The following KTN1 variants were observed in gnomAD, a reference collection of about 807,000 sequenced individuals.
The protein encoded by KTN1 is kinectin 1.
Under a neutral mutation model 222.5 loss-of-function variants are expected in KTN1, and 130 were observed. That is an observed-to-expected ratio of 0.58 (90% confidence interval 0.51 to 0.68). KTN1 has a LOEUF of 0.68. Among genes scored for constraint, KTN1 ranks in the 30% least tolerant of loss-of-function variants. The probability of loss-of-function intolerance (pLI) is 0.00; values close to 1 mark genes in which losing one functional copy is unlikely to be tolerated. For synonymous variants in KTN1, 512 were observed against 496.3 expected, an observed-to-expected ratio of 1.03 and a Z score of -0.42; for missense variants, 1,508 against 1,500.4, an observed-to-expected ratio of 1.01 and a Z score of -0.08.
At chr14:55,629,417 C>CA (rs58348373) in intron 6 of KTN1, among the ~76,000 whole-genome samples, 3,519 of 47,142 alleles carry the variant, frequency 0.075, 230 homozygotes, top group African/African-American at 0.17. Flanking sequence ...GACTCCGTCT[C>CA]AAAAAAAAAA....
At chr14:55,623,453 C>G (rs540595622) in intron 5 of KTN1, among the ~76,000 whole-genome samples, 68 of 152,356 alleles carry the variant, frequency 4.5e-4, no homozygotes, top group Admixed American at 9.8e-4. Flanking sequence ...AATCTCTGCT[C>G]ACCGTAGCCT....
intron 18 of KTN1, among the ~76,000 whole-genome samples, chr14:55,646,396 T>C (rs531563221): frequency 1.3e-4 from 19 of 151,272 alleles, no homozygotes; most frequent in African/African-American, 4.4e-4. Flanking sequence ...TGTCTGTCTT[T>C]CTTTCTTTCT....
chr14:55,639,310 C>A, intron 13 of KTN1, 88 bp downstream of exon 13: 1 of 854,554 alleles, frequency 1.2e-6, no homozygotes, highest in African/African-American at 1.9e-5. Context: ...AACTTTATAC[C>A]TCTGACGACC....
rs767392861 is a variant in KTN1 at position 55,679,608 on chromosome 14, CTG to C, written c.3994_3995del (p.Val1332AsnfsTer28). 2 of 1,611,914 alleles carry C rather than the reference CTG, an allele frequency of 1.2e-6. No individual in the cohort carries two copies. The highest frequency in any genetic ancestry group is 1.7e-6 in the Non-Finnish European group (2 of 1,178,008). On this transcript the variant is annotated frameshift_variant, in exon 43 of 44. Transcript: ENST00000395314. LOFTEE classifies it high-confidence loss of function. ...ACAATGTCTGTAAGTCTAAATCAGA[CTG>C]TAACACAGTTACAGCAGTTGCTTCA... is the stretch of plus-strand genomic sequence containing the variant.
chr14:55,643,590 T>C (rs77011728), intron 18 of KTN1, among the ~76,000 whole-genome samples: 4,758 of 152,296 alleles, frequency 0.031, 115 homozygotes, highest in Non-Finnish European at 0.046. Flanking sequence ...TAGAAACTTC[T>C]GAAACTGTCC....
In KTN1 at chr14:55,634,219, C is replaced by T. The variant is rs74244822; in HGVS notation, c.1329-307C>T. On this transcript the variant is annotated intron_variant, in intron 8 of 43. Coordinates refer to ENST00000395314, the MANE Select transcript of KTN1 (RefSeq NM_001079521.2). ...AGTACCTTAGAGAGACTAGTAATAC[C>T]GGTACACAGTACCCTGACTGGCTGA... Among the ~76,000 whole-genome samples the T allele has an allele frequency of 4.4e-4, 67 of 152,208 alleles. No homozygotes were observed. The East Asian group carries it at 9.7e-3, about 22-fold the overall frequency.
rs925954704 is a variant in KTN1 at position 55,657,598 on chromosome 14, G to A, written c.2893-948G>A. ...TAGAGTTTTAAGTCTCTGGAAGAAA[G>A]GTATCTCTCTACGATCATAAAAATG... On this transcript the variant is annotated intron_variant, in intron 29 of 43. Transcript: ENST00000395314. Among the ~76,000 whole-genome samples, 4 of 151,936 alleles carry A rather than the reference G, an allele frequency of 2.6e-5. No individual in the cohort carries two copies. The East Asian group carries it at 7.7e-4, about 29-fold the overall frequency.
intron 1 of KTN1, among the ~76,000 whole-genome samples, chr14:55,597,608 C>G (rs906572286): frequency 2.6e-5 from 4 of 152,102 alleles, no homozygotes; most frequent in African/African-American, 9.7e-5. Flanking sequence ...AATCCCAGCA[C>G]TTTGGGAGGC....
At chr14:55,598,598 G>A (rs1052392971) in intron 1 of KTN1, among the ~76,000 whole-genome samples, 7 of 151,674 alleles carry the variant, frequency 4.6e-5, no homozygotes, top group African/African-American at 7.3e-5. Flanking sequence ...AGTTTTGTTT[G>A]TTGCAGAGCT....
chr14:55,648,122 C>G lies in KTN1; in HGVS notation c.2298+7C>G, dbSNP rs1455746147. The G allele has an allele frequency of 6.9e-7, 1 of 1,448,986 alleles. No individual in the cohort carries two copies. Among genetic ancestry groups the G allele is most frequent in the Non-Finnish European group, 9.4e-7 (1 of 1,059,074 alleles). The allele number at this position is 1,448,986 out of a possible 1,614,324, so 89.8% of individuals were successfully genotyped here. A position where few individuals can be genotyped will look rare whatever the true frequency, so the allele number is the denominator to read the frequency against. On this transcript the variant is annotated splice_region_variant and intron_variant, in intron 20 of 43. Coordinates refer to ENST00000395314, the MANE Select transcript of KTN1 (RefSeq NM_001079521.2). The stretch of plus-strand genomic sequence containing the variant: ...TAAAGAAGAGGAGCTGAATGTAAAG[C>G]ATTTTGTAGTTTTGTTTTCCTTGTG...
At position 55,603,739 on chromosome 14, in the gene KTN1, T is replaced by G. The variant is rs576619214; in HGVS notation, c.-30-8280T>G. On this transcript the variant is annotated intron_variant, in intron 1 of 43. Coordinates refer to ENST00000395314, the MANE Select transcript of KTN1 (RefSeq NM_001079521.2). ...TCACTTGTCATGTGACAACTCTTAT[T>G]TAGCTGTCTCCTGGACATCTCCACT... Among the ~76,000 whole-genome samples, 15 of 152,346 alleles carry G rather than the reference T, an allele frequency of 9.8e-5. No individual in the cohort carries two copies. In the South Asian group the frequency reaches 1.0e-3, roughly 11 times the overall value.
chr14:55,618,294 A>T (rs1324596972), intron 4 of KTN1, among the ~76,000 whole-genome samples, 160 bp downstream of exon 4: 1 of 152,184 alleles, frequency 6.6e-6, no homozygotes, highest in African/African-American at 2.4e-5. Flanking sequence ...CAGCCTCCTC[A>T]GTTTTGTAGA....
chr14:55,646,264 G>T (rs1420706988), intron 18 of KTN1, among the ~76,000 whole-genome samples: 2 of 152,044 alleles, frequency 1.3e-5, no homozygotes, highest in African/African-American at 2.4e-5. Context: ...TCTTGATCTG[G>T]TTGGTAGTTA....
rs185222802 is a variant in KTN1 at position 55,668,662 on chromosome 14, G to A, written c.3267+1332G>A. 7 of 152,142 alleles carry A rather than the reference G, an allele frequency of 4.6e-5. No homozygotes were observed. In the East Asian group the frequency reaches 9.7e-4, roughly 21 times the overall value. 9.4% of individuals were successfully genotyped at this position (152,142 alleles called of 1,614,324 possible). ...ACTTATTTAGGTTTGTTACCAAGTC[G>A]TTTTGACACAATGCTGCTAAACTTT... On this transcript the variant is annotated intron_variant, in intron 34 of 43. Transcript: ENST00000395314.
chr14:55,583,292 G>C (rs2032158072), intron 1 of KTN1, among the ~76,000 whole-genome samples: 1 of 151,868 alleles, frequency 6.6e-6, no homozygotes, highest in South Asian at 2.1e-4. Flanking sequence ...TTTAAAAAAT[G>C]GTACAAGCTT....
intron 1 of KTN1, among the ~76,000 whole-genome samples, chr14:55,593,436 ACC>A (rs59170918): frequency 3.4e-5 from 3 of 89,536 alleles, no homozygotes; most frequent in Admixed American, 2.4e-4. Flanking sequence ...AGAAATAGAC[ACC>A]CCCCCCCCAA....
intron 6 of KTN1, 82 bp downstream of exon 6, chr14:55,628,110 G>C: frequency 2.4e-6 from 2 of 839,004 alleles, no homozygotes; most frequent in Non-Finnish European, 3.8e-6. Flanking sequence ...ATAATCAGTA[G>C]TTTAATTATT....
chr14:55,589,721 C>T (rs576118738), intron 1 of KTN1, among the ~76,000 whole-genome samples: 155 of 140,166 alleles, frequency 1.1e-3, no homozygotes, highest in African/African-American at 3.9e-3. Flanking sequence ...TGCAGTGGCA[C>T]GATCTCTGCT....
intron 31 of KTN1, among the ~76,000 whole-genome samples, chr14:55,660,270 C>T (rs1028093172): frequency 6.6e-6 from 1 of 151,586 alleles, no homozygotes; most frequent in Non-Finnish European, 1.5e-5. Context: ...CCCAGCTACT[C>T]GGGAGGCTGA....
Sources: gnomAD v4.1 joint callset for allele counts (sites outside exome capture counted in the v4.1 genomes callset) on GRCh38, gnomAD v4.1.1 for gene constraint, MANE v1.5 for transcripts, NCBI Gene and HGNC (gene_info 2026-07-23, HGNC 2026-07-21) for gene names.